The following LCP1 variants were observed in gnomAD, a reference collection of about 807,000 sequenced individuals.
LCP1 encodes the protein lymphocyte cytosolic protein 1, also known as plastin-2.
In LCP1, 23 loss-of-function variants were observed where a neutral mutation model predicts 72.0. That is an observed-to-expected ratio of 0.32 (90% CI 0.23 to 0.45). The LOEUF is 0.45. Among genes scored for constraint, LCP1 ranks in the 20% least tolerant of loss-of-function variants. The pLI, the probability that LCP1 is intolerant of heterozygous loss-of-function variation, is 1.00. For synonymous variants in LCP1, 245 were observed against 275.4 expected, an observed-to-expected ratio of 0.89 and a Z score of 1.09; for missense variants, 571 against 748.3, an observed-to-expected ratio of 0.76 and a Z score of 2.76.
In LCP1 at chr13:46,148,343, T is replaced by C; in HGVS notation, c.978+9A>G. The C allele has an allele frequency of 1.9e-6, 3 of 1,602,470 alleles. No homozygotes were observed. The highest frequency in any genetic ancestry group is 2.6e-6 in the Non-Finnish European group (3 of 1,170,278). On this transcript the variant is annotated intron_variant, in intron 9 of 15. Transcript: ENST00000323076. Reference sequence around the variant, plus strand: ...ATATTCTCCAAACACAACTGGGACCTGGCCTTACCCGCAGTCCTGACATGT... The same window carrying C: ...ATATTCTCCAAACACAACTGGGACCCGGCCTTACCCGCAGTCCTGACATGT...
At chr13:46,128,325 G>A (rs1043737595) in intron 15 of LCP1, among the ~76,000 whole-genome samples, 2 of 152,214 alleles carry the variant, frequency 1.3e-5, no homozygotes, top group Admixed American at 6.5e-5. Context: ...TTGGCCAGGC[G>A]CGGTGGCTCA....
At chr13:46,152,668 T>C (rs2045776060) in intron 7 of LCP1, 112 bp downstream of exon 7, 3 of 1,050,820 alleles carry the variant, frequency 2.9e-6, no homozygotes, top group Non-Finnish European at 4.1e-6. Flanking sequence ...GGAATCAATA[T>C]AACTGTGTAG....
At chr13:46,130,480 T>C (rs1048874253) in intron 15 of LCP1, among the ~76,000 whole-genome samples, 2 of 152,214 alleles carry the variant, frequency 1.3e-5, no homozygotes, top group African/African-American at 4.8e-5. Context: ...CCTACCCCTG[T>C]GCATTCTTAT....
intron 1 of LCP1, among the ~76,000 whole-genome samples, 169 bp from the exon 2 acceptor site, chr13:46,159,855 T>C (rs1056799074): frequency 2.0e-5 from 3 of 152,228 alleles, no homozygotes; most frequent in African/African-American, 7.2e-5. Flanking sequence ...TTCTCAATCC[T>C]CCATGTGGTG....
Position 46,126,671 on chromosome 13 carries a change from A to T in LCP1, c.*920T>A, listed in dbSNP as rs899025478. The T allele has an allele frequency of 4.3e-6, 1 of 231,646 alleles. No individual in the cohort carries two copies. The highest frequency in any genetic ancestry group is 8.5e-6 in the Non-Finnish European group (1 of 117,032). The allele number at this position is 231,646 out of a possible 1,614,324, so 14.3% of individuals were successfully genotyped here. On this transcript the variant is annotated 3_prime_UTR_variant, in exon 16 of 16. Transcript: ENST00000323076. Reference sequence around the variant, plus strand: ...GTATTAGCCATACCACAGTAACTAGATCTAATGTGAGGGCTAAATGCCTGG... The same window carrying T: ...GTATTAGCCATACCACAGTAACTAGTTCTAATGTGAGGGCTAAATGCCTGG...
intron 13 of LCP1, among the ~76,000 whole-genome samples, chr13:46,138,728 C>G (rs747437271): frequency 6.6e-6 from 1 of 152,162 alleles, no homozygotes; most frequent in Non-Finnish European, 1.5e-5. Context: ...CTCACTGCAA[C>G]CTCTGCCTCC....
intron 6 of LCP1, chr13:46,153,296 G>A (rs1032123503): frequency 6.1e-5 from 10 of 164,830 alleles, no homozygotes; most frequent in South Asian, 3.5e-4. Context: ...GGACACCTTT[G>A]AGAAAGTCAT....
chr13:46,159,173 A>G (rs1039391983), intron 2 of LCP1, 184 bp from the exon 3 acceptor site: 9 of 594,122 alleles, frequency 1.5e-5, no homozygotes, highest in Non-Finnish European at 2.7e-5. Context: ...GGGCACCAGC[A>G]TTACTTTCAA....
In LCP1 at chr13:46,159,766, T is replaced by C; in HGVS notation, c.-24-80A>G. On this transcript the variant is annotated intron_variant, in intron 1 of 15. Coordinates refer to ENST00000323076, the MANE Select transcript of LCP1 (RefSeq NM_002298.5). The stretch of plus-strand genomic sequence containing the variant: ...ACCACATTAAGAAGCAATTCCCATT[T>C]ATTACATGAAGAAATATTCTTCTGC... 5 of 798,046 alleles carry C rather than the reference T, an allele frequency of 6.3e-6. No individual in the cohort carries two copies. In the South Asian group the frequency reaches 7.6e-5, roughly 12 times the overall value. The allele number at this position is 798,046 out of a possible 1,614,324, so 49.4% of individuals were successfully genotyped here.
In LCP1 at chr13:46,158,588, C is replaced by G. The variant is rs1193244543; in HGVS notation, c.292G>C (p.Glu98Gln). Residue 98 changes from glutamate to glutamine, a missense_variant, in exon 4 of 16, where the codon GAA becomes CAA. Glu to Gln is a conservative substitution (Grantham distance 29). Transcript: ENST00000323076. The stretch of plus-strand genomic sequence containing the variant: ...GTACCACCGATTGCACAAATCCCTT[C>G]CTTCTTATTGATTGCTTTTCTAAAG... ...KTFRKAINKKEGICAIGGTSE... is the reference protein window; with the variant it reads ...KTFRKAINKKQGICAIGGTSE... 6.2e-7 allele frequency: 1 copy of G among 1,614,040 alleles called. No homozygotes were observed. Among genetic ancestry groups the G allele is most frequent in the South Asian group, 1.1e-5 (1 of 91,082 alleles).
At chr13:46,139,004 C>T (rs1236415884) in intron 13 of LCP1, among the ~76,000 whole-genome samples, 1 of 152,150 alleles carries the variant, frequency 6.6e-6, no homozygotes, top group Admixed American at 6.5e-5. Context: ...TATTGAAACC[C>T]ATGAGTCAGT....
chr13:46,175,552 C>T (rs143801700), intron 1 of LCP1, among the ~76,000 whole-genome samples: 162 of 152,130 alleles, frequency 1.1e-3, no homozygotes, highest in Admixed American at 1.8e-3. Flanking sequence ...GGAAGAACTG[C>T]GTGCAGTGAA....
intron 14 of LCP1, among the ~76,000 whole-genome samples, chr13:46,133,137 C>T (rs1566432956): frequency 6.6e-6 from 1 of 151,988 alleles, no homozygotes; most frequent in African/African-American, 2.4e-5. Context: ...TGCTTTTTTA[C>T]AAAAAACATC....
At chr13:46,155,815 T>A (rs1000625468) in intron 5 of LCP1, among the ~76,000 whole-genome samples, 1 of 152,238 alleles carries the variant, frequency 6.6e-6, no homozygotes, top group African/African-American at 2.4e-5. Flanking sequence ...TGGATTTCTG[T>A]GCATCACTCA....
intron 13 of LCP1, among the ~76,000 whole-genome samples, chr13:46,140,750 C>T (rs2093707): frequency 6.6e-6 from 1 of 151,946 alleles, no homozygotes; most frequent in South Asian, 2.1e-4. Context: ...GAAAGGACAG[C>T]TATGGGAAAT....
chr13:46,173,792 G>T (rs1220735768), intron 1 of LCP1, among the ~76,000 whole-genome samples: 3 of 152,232 alleles, frequency 2.0e-5, no homozygotes, highest in Non-Finnish European at 4.4e-5. Flanking sequence ...GAGTGGTGAA[G>T]GGGCTCCGGG....
rs563747317 is a variant in LCP1, at chr13:46,158,528, A to G, written c.352T>C (p.Tyr118His). Residue 118 changes from tyrosine (Y) to histidine (H), a missense_variant, in exon 4 of 16, where the codon TAT (tyrosine) becomes CAT (histidine). Transcript: ENST00000323076. ...EQSSVGTQHSYSEEEKYAFVN... is the reference protein window; with the variant it reads ...EQSSVGTQHSHSEEEKYAFVN... ...ACCCAGGAGTTGAGCCTACCTGAATAGGAGTGTTGGGTGCCAACGCTAGAC... is the reference window on the plus strand; with the variant it reads ...ACCCAGGAGTTGAGCCTACCTGAATGGGAGTGTTGGGTGCCAACGCTAGAC... 1.2e-6 allele frequency: 2 copies of G among 1,613,958 alleles called. No individual in the cohort carries two copies. The highest frequency in any genetic ancestry group is 1.7e-6 in the Non-Finnish European group (2 of 1,179,954).
intron 6 of LCP1, among the ~76,000 whole-genome samples, chr13:46,153,559 G>C (rs2045782290): frequency 6.6e-6 from 1 of 152,044 alleles, no homozygotes; most frequent in Non-Finnish European, 1.5e-5. Context: ...AAATTAGCTG[G>C]GCATGGTGGC....
intron 1 of LCP1, among the ~76,000 whole-genome samples, chr13:46,177,572 G>A (rs1044695161): frequency 2.0e-4 from 30 of 152,030 alleles, no homozygotes; most frequent in Admixed American, 1.7e-3. Flanking sequence ...CCCAGGAGGC[G>A]GAGGTTTCAG....
Sources: gnomAD v4.1 joint callset for allele counts (sites outside exome capture counted in the v4.1 genomes callset) on GRCh38, gnomAD v4.1.1 for gene constraint, MANE v1.5 for transcripts, NCBI Gene and HGNC (gene_info 2026-07-23, HGNC 2026-07-21) for gene names.